Variants in ADAMTS19 observed in about 807,000 individuals in gnomAD.
The protein encoded by ADAMTS19 is ADAM metallopeptidase with thrombospondin type 1 motif 19, also known as A disintegrin and metalloproteinase with thrombospondin motifs 19.
Under a neutral mutation model 153.3 loss-of-function variants are expected in ADAMTS19, and 93 were observed. The observed-to-expected ratio is 0.61, with a 90% confidence interval of 0.51 to 0.72. The LOEUF (loss-of-function observed/expected upper bound fraction) is 0.72. Among genes scored for constraint, ADAMTS19 ranks in the 30% least tolerant of loss-of-function variants. The pLI is 0.00. For missense variants in ADAMTS19, 1,482 were observed against 1,552.1 expected, an observed-to-expected ratio of 0.95 and a Z score of 0.76; for synonymous variants, 600 against 556.6, an observed-to-expected ratio of 1.08 and a Z score of -1.10.
intron 8 of ADAMTS19, among the ~76,000 whole-genome samples, chr5:129,600,527 T>G (rs954264852): frequency 1.3e-5 from 2 of 152,200 alleles, no homozygotes; most frequent in Non-Finnish European, 2.9e-5. Flanking sequence ...GTTTGTTGAC[T>G]TGAATTTGAT....
At chr5:129,505,309 T>C (rs1751235193) in intron 2 of ADAMTS19, among the ~76,000 whole-genome samples, 1 of 152,136 alleles carries the variant, frequency 6.6e-6, no homozygotes, top group Non-Finnish European at 1.5e-5. Context: ...AGTGAGATAG[T>C]TGAAGCGAAA....
At chr5:129,592,130 C>T (rs1750165168) in intron 7 of ADAMTS19, among the ~76,000 whole-genome samples, 1 of 151,986 alleles carries the variant, frequency 6.6e-6, no homozygotes, top group Non-Finnish European at 1.5e-5. Context: ...GTAATCCCAG[C>T]ACTTTGGGAA....
intron 2 of ADAMTS19, among the ~76,000 whole-genome samples, chr5:129,470,397 T>A (rs764185454): frequency 9.9e-5 from 15 of 152,256 alleles, no homozygotes; most frequent in Non-Finnish European, 1.8e-4. Context: ...TTTGGAGCAG[T>A]GGGAGAACCA....
intron 17 of ADAMTS19, among the ~76,000 whole-genome samples, chr5:129,682,946 C>G (rs548738472): frequency 6.6e-6 from 1 of 151,922 alleles, no homozygotes; most frequent in Non-Finnish European, 1.5e-5. Context: ...TAAACCTAGG[C>G]CCATTTCAAT....
At chr5:129,580,027 A>G (rs1466153374) in intron 7 of ADAMTS19, among the ~76,000 whole-genome samples, 1 of 152,192 alleles carries the variant, frequency 6.6e-6, no homozygotes, top group Non-Finnish European at 1.5e-5. Context: ...TACTTTTGTC[A>G]GTATGGCCAT....
intron 18 of ADAMTS19, 72 bp from the exon 19 acceptor site, chr5:129,694,648 C>A: frequency 8.5e-7 from 1 of 1,174,336 alleles, no homozygotes; most frequent in Non-Finnish European, 1.1e-6. Flanking sequence ...GCATAATAAG[C>A]TTATGAACAC....
chr5:129,465,000 A>G (rs1213603995), intron 2 of ADAMTS19, among the ~76,000 whole-genome samples: 4 of 152,198 alleles, frequency 2.6e-5, no homozygotes, highest in Non-Finnish European at 1.5e-5. Flanking sequence ...GTCTCGATAT[A>G]TTTCACAGGG....
intron 7 of ADAMTS19, among the ~76,000 whole-genome samples, chr5:129,581,244 G>T (rs1210752352): frequency 6.6e-6 from 1 of 151,816 alleles, no homozygotes; most frequent in Non-Finnish European, 1.5e-5. Context: ...AGTATTCTTG[G>T]ATGGTAGTTT....
intron 8 of ADAMTS19, among the ~76,000 whole-genome samples, chr5:129,601,264 G>A (rs1561595137): frequency 6.6e-6 from 1 of 151,964 alleles, no homozygotes; most frequent in African/African-American, 2.4e-5. Flanking sequence ...AATATAATTG[G>A]GATCTTCATA....
At chr5:129,502,591 A>G (rs1315180948) in intron 2 of ADAMTS19, among the ~76,000 whole-genome samples, 1 of 152,226 alleles carries the variant, frequency 6.6e-6, no homozygotes, top group Non-Finnish European at 1.5e-5. Flanking sequence ...GAATGAGGTT[A>G]ACAATGTGAT....
chr5:129,569,291 T>C (rs1348235826), intron 7 of ADAMTS19, among the ~76,000 whole-genome samples: 2 of 152,100 alleles, frequency 1.3e-5, no homozygotes, highest in African/African-American at 4.8e-5. Context: ...GATATAGTAG[T>C]TTAAATGTTT....
chr5:129,661,297 G>A (rs933809087), intron 15 of ADAMTS19, among the ~76,000 whole-genome samples: 5 of 152,066 alleles, frequency 3.3e-5, no homozygotes, highest in Admixed American at 3.3e-4. Flanking sequence ...CATAGTATGC[G>A]ATCCATTAAT....
intron 9 of ADAMTS19, among the ~76,000 whole-genome samples, 190 bp downstream of exon 9, chr5:129,620,948 A>G (rs940321158): frequency 6.6e-6 from 1 of 152,098 alleles, no homozygotes; most frequent in African/African-American, 2.4e-5. Context: ...CCTGCTTTTT[A>G]ATTTCTACAT....
intron 9 of ADAMTS19, among the ~76,000 whole-genome samples, chr5:129,621,206 C>A (rs1012800596): frequency 3.0e-4 from 46 of 152,244 alleles, no homozygotes; most frequent in African/African-American, 1.1e-3. Context: ...ATTATCATAG[C>A]CCTTTCCATG....
At position 129,542,569 on chromosome 5, in the gene ADAMTS19, A is replaced by G. The variant is rs114259681; in HGVS notation, c.1329-9295A>G. 4.9e-3 allele frequency among the ~76,000 whole-genome samples: 739 copies of G among 152,192 alleles called. 8 individuals are homozygous for G. The highest frequency in any genetic ancestry group is 0.016 in the African/African-American group (680 of 41,548). On this transcript the variant is annotated intron_variant, in intron 6 of 22. Transcript: ENST00000274487. ...TTTTGTATCTTGTATATTGAAGGGG[A>G]TGGTGACTGCTTGGAAAAAGTAGTT...
At chr5:129,525,351 TTTTAA>T in intron 3 of ADAMTS19, among the ~76,000 whole-genome samples, 1 of 152,220 alleles carries the variant, frequency 6.6e-6, no homozygotes, top group South Asian at 2.1e-4. Context: ...ATTCCAGGGA[TTTTAA>T]TTTATTTAAT....
At chr5:129,526,582 T>C in intron 4 of ADAMTS19, 126 bp downstream of exon 4, 1 of 908,774 alleles carries the variant, frequency 1.1e-6, no homozygotes, top group Non-Finnish European at 1.6e-6. Flanking sequence ...TTGTCATCAG[T>C]AAAAAAATAC....
At chr5:129,475,512 CTTTAAT>C (rs1290930504) in intron 2 of ADAMTS19, among the ~76,000 whole-genome samples, 2 of 151,994 alleles carry the variant, frequency 1.3e-5, no homozygotes, top group African/African-American at 2.4e-5. Flanking sequence ...AATTTAAGTC[CTTTAAT>C]TTTAATTTTC....
chr5:129,526,535 T>G (rs1752015010), intron 4 of ADAMTS19, 79 bp downstream of exon 4: 1 of 1,365,556 alleles, frequency 7.3e-7, no homozygotes, highest in Admixed American at 2.7e-5. Flanking sequence ...TATAATGAAA[T>G]TCTTTAAAAT....
Sources: allele counts gnomAD v4.1 joint callset (sites outside exome capture counted in the v4.1 genomes callset), GRCh38; gene constraint gnomAD v4.1.1; transcripts MANE v1.5; gene names NCBI Gene and HGNC (gene_info 2026-07-23, HGNC 2026-07-21).